Variants in SWT1 observed in about 807,000 individuals in gnomAD.
SWT1 encodes the protein SWT1 RNA endoribonuclease homolog, also known as transcriptional protein SWT1.
SWT1 carries 33 observed loss-of-function variants against 107.3 expected under a neutral mutation model. That is an observed-to-expected ratio of 0.31 (90% CI 0.23 to 0.41). The LOEUF (loss-of-function observed/expected upper bound fraction) is 0.41. Ranked by LOEUF, SWT1 falls within the 10% of genes least tolerant of loss-of-function variation. The probability of loss-of-function intolerance (pLI) is 1.00; values close to 1 mark genes in which losing one functional copy is unlikely to be tolerated. For missense variants in SWT1, 898 were observed against 1,028.9 expected, an observed-to-expected ratio of 0.87 and a Z score of 1.74; for synonymous variants, 345 against 348.3, an observed-to-expected ratio of 0.99 and a Z score of 0.11.
rs78522426 is a variant in SWT1, at chr1:185,238,733, G to C, written c.2441+7025G>C. 5.6e-3 allele frequency among the ~76,000 whole-genome samples: 847 copies of C among 151,132 alleles called. 33 individuals carry two copies. In the East Asian group the frequency reaches 0.094, roughly 17 times the overall value. ...AATTGTGAATTTTTTTTTTTAAACCGGGCAGATAATAGGCATTTAAATTAA... is the reference window on the plus strand; with the variant it reads ...AATTGTGAATTTTTTTTTTTAAACCCGGCAGATAATAGGCATTTAAATTAA... On this transcript the variant is annotated intron_variant, in intron 16 of 18. Transcript: ENST00000367500.
At chr1:185,208,548 T>C (rs1021026661) in intron 13 of SWT1, among the ~76,000 whole-genome samples, 4 of 152,182 alleles carry the variant, frequency 2.6e-5, no homozygotes, top group African/African-American at 9.7e-5. Context: ...GTCATAGATA[T>C]GCTAATTACC....
At chr1:185,249,645 C>T (rs1175502633) in intron 16 of SWT1, among the ~76,000 whole-genome samples, 2 of 152,040 alleles carry the variant, frequency 1.3e-5, no homozygotes, top group Admixed American at 1.3e-4. Context: ...TGATCCCCCA[C>T]CACCCACCCC....
At chr1:185,193,294 A>C (rs1657109833) in intron 10 of SWT1, among the ~76,000 whole-genome samples, 1 of 152,008 alleles carries the variant, frequency 6.6e-6, no homozygotes, top group Non-Finnish European at 1.5e-5. Context: ...AATTTGTTAA[A>C]GTTTGTTTTG....
At chr1:185,253,750 C>G (rs1381456792) in intron 16 of SWT1, among the ~76,000 whole-genome samples, 8 of 151,880 alleles carry the variant, frequency 5.3e-5, no homozygotes, top group African/African-American at 1.9e-4. Context: ...CTTCTCTTTT[C>G]CTAATTGAAT....
At chr1:185,214,822 C>T (rs1022930721) in intron 14 of SWT1, among the ~76,000 whole-genome samples, 167 bp downstream of exon 14, 2 of 152,174 alleles carry the variant, frequency 1.3e-5, no homozygotes, top group African/African-American at 2.4e-5. Flanking sequence ...GCAACTCTAA[C>T]AAGTTATAAA....
At position 185,253,000 on chromosome 1, in the gene SWT1, TG is replaced by T. The variant is rs1662164288; in HGVS notation, c.2442-18321del. Among the ~76,000 whole-genome samples the T allele has an allele frequency of 2.8e-5, 4 of 141,944 alleles. No individual in the cohort carries two copies. The South Asian group carries it at 9.6e-4, about 34-fold the overall frequency. 93.1% of individuals were successfully genotyped at this position (141,944 alleles called of 152,430 possible). Reference sequence around the variant, plus strand: ...GGATCCAGTTTCAGCTTTCTACATATGGCTAGCCAGTTTTCCCAGCACCATT... The same window carrying T: ...GGATCCAGTTTCAGCTTTCTACATATGCTAGCCAGTTTTCCCAGCACCATT... On this transcript the variant is annotated intron_variant, in intron 16 of 18. Coordinates refer to ENST00000367500, the MANE Select transcript of SWT1 (RefSeq NM_017673.7).
intron 3 of SWT1, among the ~76,000 whole-genome samples, chr1:185,168,117 C>T (rs1005045535): frequency 2.6e-5 from 4 of 152,140 alleles, no homozygotes; most frequent in Non-Finnish European, 1.5e-5. Flanking sequence ...GATCTATTTA[C>T]AGATGACAGA....
At chr1:185,167,469 G>A (rs543666082) in intron 3 of SWT1, among the ~76,000 whole-genome samples, 161 of 152,174 alleles carry the variant, frequency 1.1e-3, no homozygotes, top group Non-Finnish European at 1.8e-3. Flanking sequence ...ATAAGGTAGT[G>A]GAAGTTCCAG....
At chr1:185,271,433 A>T (rs1663854500) in intron 17 of SWT1, 44 bp downstream of exon 17, 1 of 998,678 alleles carries the variant, frequency 1.0e-6, no homozygotes, top group Admixed American at 2.0e-5. Context: ...TCTACTTTAA[A>T]CAAATTTTAA....
chr1:185,249,530 A>G (rs1005782138), intron 16 of SWT1, among the ~76,000 whole-genome samples: 2 of 152,180 alleles, frequency 1.3e-5, no homozygotes, highest in Admixed American at 1.3e-4. Flanking sequence ...AATCAGGTCC[A>G]GGTGTGATTG....
At chr1:185,254,564 C>T (rs1401863017) in intron 16 of SWT1, among the ~76,000 whole-genome samples, 11 of 148,554 alleles carry the variant, frequency 7.4e-5, no homozygotes, top group Non-Finnish European at 1.5e-4. Flanking sequence ...AGTTTATTTG[C>T]GTAGAGGTGT....
intron 16 of SWT1, among the ~76,000 whole-genome samples, chr1:185,261,232 C>T (rs747679564): frequency 6.6e-6 from 1 of 152,070 alleles, no homozygotes; most frequent in Non-Finnish European, 1.5e-5. Flanking sequence ...ACTTTAGGTA[C>T]CTAATATGAG....
At chr1:185,266,651 T>G (rs1298209697) in intron 16 of SWT1, 1 of 151,754 alleles carries the variant, frequency 6.6e-6, no homozygotes, top group Non-Finnish European at 1.5e-5. Flanking sequence ...TTTTAAACCT[T>G]GAGTGGCATG....
chr1:185,198,684 T>C (rs1355883866), intron 10 of SWT1, among the ~76,000 whole-genome samples: 1 of 152,174 alleles, frequency 6.6e-6, no homozygotes, highest in Non-Finnish European at 1.5e-5. Flanking sequence ...CGTTAAGTAG[T>C]GCCTTTCTTT....
At chr1:185,272,279 G>A (rs769247081) in intron 17 of SWT1, among the ~76,000 whole-genome samples, 27 of 152,130 alleles carry the variant, frequency 1.8e-4, no homozygotes, top group Admixed American at 3.9e-4. Context: ...GAACCGAAGC[G>A]GGTATTCTGT....
chr1:185,278,581 C>A (rs1304555476), intron 18 of SWT1, among the ~76,000 whole-genome samples: 1 of 152,184 alleles, frequency 6.6e-6, no homozygotes, highest in Non-Finnish European at 1.5e-5. Flanking sequence ...TACCCTCCAC[C>A]ACTACATATT....
chr1:185,268,402 T>C (rs1663556241), intron 16 of SWT1, among the ~76,000 whole-genome samples: 1 of 152,210 alleles, frequency 6.6e-6, no homozygotes, highest in African/African-American at 2.4e-5. Flanking sequence ...TTGGAAGAGA[T>C]GGCCAGACGG....
chr1:185,284,594 GGA>G (rs1664838353), intron 18 of SWT1, among the ~76,000 whole-genome samples: 1 of 152,164 alleles, frequency 6.6e-6, no homozygotes, highest in African/African-American at 2.4e-5. Flanking sequence ...ATTTTTAAAG[GGA>G]GAGAGAACAA....
chr1:185,185,053 G>A (rs1656336004), intron 9 of SWT1, 122 bp downstream of exon 9: 1 of 646,040 alleles, frequency 1.5e-6, no homozygotes, highest in African/African-American at 1.9e-5. Context: ...GAAATGGAAG[G>A]GGCATTGTGA....
Sources: allele counts gnomAD v4.1 joint callset (sites outside exome capture counted in the v4.1 genomes callset), GRCh38; gene constraint gnomAD v4.1.1; transcripts MANE v1.5; gene names NCBI Gene and HGNC (gene_info 2026-07-23, HGNC 2026-07-21).